The following MLLT3 variants were observed in gnomAD, a reference collection of about 807,000 sequenced individuals.
MLLT3 encodes protein AF-9.
A neutral mutation model predicts 53.2 loss-of-function variants in MLLT3; 4 were observed. The ratio of observed to expected loss-of-function variants is 0.08; its 90% CI spans 0.04 to 0.17. The LOEUF (loss-of-function observed/expected upper bound fraction) is 0.17. MLLT3 is among the 10% of genes least tolerant of loss of function. The pLI is 1.00. For missense variants in MLLT3, 569 were observed against 684.0 expected (o/e 0.83, Z 1.87); for synonymous variants, 283 against 230.6 (o/e 1.23, Z -2.06).
In MLLT3 at chr9:20,342,848, A is replaced by G. The variant is rs1182547653; in HGVS notation, c.*3595T>C. On this transcript the variant is annotated 3_prime_UTR_variant, in exon 11 of 11. Transcript: ENST00000380338. ...AATATATATGTGTATATATATATAT[A>G]TATGTATATATAAATATAGGAGCAG... is the stretch of plus-strand genomic sequence containing the variant. 2 of 172,784 alleles carry G rather than the reference A, an allele frequency of 1.2e-5. No individual in the cohort carries two copies. Among genetic ancestry groups the G allele is most frequent in the East Asian group, 1.0e-4 (1 of 9,768 alleles). 10.7% of individuals were successfully genotyped at this position (172,784 alleles called of 1,614,324 possible).
chr9:20,520,466 A>G (rs1409577323), intron 2 of MLLT3, among the ~76,000 whole-genome samples: 1 of 152,228 alleles, frequency 6.6e-6, no homozygotes. Flanking sequence ...GTTACTTTGT[A>G]CCAGCTAAGT....
intron 4 of MLLT3, among the ~76,000 whole-genome samples, chr9:20,443,732 C>T (rs143472398): frequency 6.6e-6 from 1 of 152,250 alleles, no homozygotes; most frequent in East Asian, 1.9e-4. Flanking sequence ...TGCTGATATT[C>T]TAAACTAGTA....
intron 2 of MLLT3, 99 bp from the exon 3 acceptor site, chr9:20,456,885 C>T (rs554551733): frequency 9.4e-5 from 82 of 868,734 alleles, no homozygotes; most frequent in African/African-American, 3.6e-4. Flanking sequence ...CTAGATCACA[C>T]GCAATTTTCA....
intron 2 of MLLT3, among the ~76,000 whole-genome samples, chr9:20,476,948 C>T (rs1824536417): frequency 2.6e-5 from 4 of 151,974 alleles, no homozygotes; most frequent in Admixed American, 2.6e-4. Context: ...TGAATAAAGG[C>T]CAGGCTTTAA....
intron 4 of MLLT3, among the ~76,000 whole-genome samples, chr9:20,420,918 A>T (rs913019921): frequency 2.0e-5 from 3 of 152,152 alleles, no homozygotes; most frequent in Non-Finnish European, 2.9e-5. Context: ...GCTTTAAAAC[A>T]CCCCTTTTAA....
intron 2 of MLLT3, among the ~76,000 whole-genome samples, chr9:20,582,919 C>G (rs926575181): frequency 4.6e-5 from 7 of 152,170 alleles, no homozygotes; most frequent in Non-Finnish European, 8.8e-5. Context: ...CCCTCAAAAT[C>G]TCATGTTCTC....
At chr9:20,348,688 A>G (rs1183398502) in intron 10 of MLLT3, among the ~76,000 whole-genome samples, 1 of 152,342 alleles carries the variant, frequency 6.6e-6, no homozygotes, top group East Asian at 1.9e-4. Context: ...GAAGGAGTGT[A>G]CCCAATTATG....
intron 2 of MLLT3, among the ~76,000 whole-genome samples, chr9:20,502,765 A>C (rs1041438234): frequency 3.3e-5 from 5 of 152,230 alleles, no homozygotes; most frequent in African/African-American, 1.2e-4. Context: ...AATCCCCTGC[A>C]GATACTGAGG....
At chr9:20,551,890 T>C (rs1473016211) in intron 2 of MLLT3, among the ~76,000 whole-genome samples, 1 of 152,170 alleles carries the variant, frequency 6.6e-6, no homozygotes, top group Non-Finnish European at 1.5e-5. Flanking sequence ...CCTCACGAAA[T>C]TCATGTTGTT....
At chr9:20,491,003 A>G (rs939799125) in intron 2 of MLLT3, among the ~76,000 whole-genome samples, 1 of 152,200 alleles carries the variant, frequency 6.6e-6, no homozygotes, top group African/African-American at 2.4e-5. Flanking sequence ...ACAGGGAAAT[A>G]CTTTCATTTT....
Position 20,620,844 on chromosome 9 carries a change from G to C in MLLT3, c.13-10C>G, listed in dbSNP as rs202235045. ...TCACCTGCACGGCACACTGCGGGCA[G>C]GGGGAGGAGAGACAGCCGTGAATAA... On this transcript the variant is annotated splice_polypyrimidine_tract_variant and intron_variant, in intron 1 of 10. Transcript: ENST00000380338. The surrounding 1 kb of genome is among the most constrained non-coding windows in gnomAD (Gnocchi z 6.1). The C allele has an allele frequency of 6.2e-7, 1 of 1,614,012 alleles. No individual in the cohort carries two copies. Among genetic ancestry groups the C allele is most frequent in the Non-Finnish European group, 8.5e-7 (1 of 1,179,972 alleles).
intron 2 of MLLT3, among the ~76,000 whole-genome samples, chr9:20,513,234 AC>A (rs1280053044): frequency 6.6e-6 from 1 of 152,062 alleles, no homozygotes; most frequent in African/African-American, 2.4e-5. Context: ...ACTGGCAGGT[AC>A]CCTTGTGGCC....
intron 2 of MLLT3, among the ~76,000 whole-genome samples, chr9:20,602,312 T>C (rs1375117997): frequency 6.6e-6 from 1 of 152,176 alleles, no homozygotes; most frequent in Non-Finnish European, 1.5e-5. Flanking sequence ...AAAGTTCAGC[T>C]TCTTAAGCAC....
At chr9:20,404,213 G>A (rs544220372) in intron 5 of MLLT3, among the ~76,000 whole-genome samples, 14 of 152,258 alleles carry the variant, frequency 9.2e-5, no homozygotes, top group South Asian at 2.1e-4. Flanking sequence ...AGGAAATGAC[G>A]TTTTAGAAAT....
In MLLT3 at chr9:20,620,959, C is replaced by T. The variant is rs1321972546; in HGVS notation, c.13-125G>A. The stretch of plus-strand genomic sequence containing the variant: ...ACATAAAAGGAAACGGCGGTGCCCT[C>T]TGCATCCACGTTTCACGCGCGTGGG... On this transcript the variant is annotated intron_variant, in intron 1 of 10. Transcript: ENST00000380338. This position sits in a 1 kb window ranked among gnomAD's most constrained non-coding sequence, Gnocchi z 6.1. The T allele has an allele frequency of 8.9e-7, 1 of 1,118,900 alleles. No homozygotes were observed. Among genetic ancestry groups the T allele is most frequent in the Non-Finnish European group, 1.3e-6 (1 of 762,188 alleles). The allele number at this position is 1,118,900 out of a possible 1,614,324, so 69.3% of individuals were successfully genotyped here.
At chr9:20,605,245 A>G (rs1374271009) in intron 2 of MLLT3, among the ~76,000 whole-genome samples, 1 of 152,078 alleles carries the variant, frequency 6.6e-6, no homozygotes, top group Non-Finnish European at 1.5e-5. Context: ...TGTTCAAAAT[A>G]AACCAAAAAT....
At chr9:20,436,581 C>A (rs1054900426) in intron 4 of MLLT3, among the ~76,000 whole-genome samples, 3 of 152,072 alleles carry the variant, frequency 2.0e-5, no homozygotes, top group Admixed American at 6.6e-5. Context: ...TTTTTTAATT[C>A]TTTGTCTTCT....
At chr9:20,574,701 A>G (rs1819610677) in intron 2 of MLLT3, among the ~76,000 whole-genome samples, 2 of 152,142 alleles carry the variant, frequency 1.3e-5, no homozygotes, top group Admixed American at 1.3e-4. Context: ...GCTGCTGACT[A>G]ATCAGGGTGG....
In MLLT3 at chr9:20,414,166, T is replaced by G; in HGVS notation, c.680A>C (p.Lys227Thr). ...TTTCTTAGAGGATTCTTTGGAAGAT[T>G]TGTTGTGATCCCTGGAAGGTTCTTT... ...AFKEPSRDHNKSSKESSKKPK... is the reference protein window; with the variant it reads ...AFKEPSRDHNTSSKESSKKPK... The change falls in exon 5 of 11, where the codon AAA (lysine) becomes ACA (threonine). Residue 227 changes from lysine to threonine, a missense_variant. Physicochemically the swap from Lys to Thr is moderately conservative, Grantham distance 78. Around this residue, in one of 5 missense-constraint regions of MLLT3, gnomAD observed 437 missense variants for 376.5 expected, o/e 1.16. Coordinates refer to ENST00000380338, the MANE Select transcript of MLLT3 (RefSeq NM_004529.4). 6.2e-7 allele frequency: 1 copy of G among 1,614,208 alleles called. No individual in the cohort carries two copies. The highest frequency in any genetic ancestry group is 1.3e-5 in the African/African-American group (1 of 75,060).
Sources: allele counts gnomAD v4.1 joint callset (sites outside exome capture counted in the v4.1 genomes callset), GRCh38; gene constraint gnomAD v4.1.1; regional missense constraint gnomAD v4.1.1; non-coding constraint Gnocchi (gnomAD v3.1); transcripts MANE v1.5; gene names NCBI Gene and HGNC (gene_info 2026-07-23, HGNC 2026-07-21).